GSG1L: variants seen among roughly 807,000 people sequenced by gnomAD.
The protein encoded by GSG1L is GSG1 like.
A neutral mutation model predicts 42.1 loss-of-function variants in GSG1L; 24 were observed. The ratio of observed to expected loss-of-function variants is 0.57; its 90% CI spans 0.41 to 0.80. The LOEUF (loss-of-function observed/expected upper bound fraction) is 0.80. Among genes scored for constraint, GSG1L ranks in the 30% least tolerant of loss-of-function variants. The pLI is 0.00. For synonymous variants in GSG1L, 215 were observed against 203.5 expected, an observed-to-expected ratio of 1.06 and a Z score of -0.48; for missense variants, 445 against 472.2, an observed-to-expected ratio of 0.94 and a Z score of 0.53.
rs201856072 is a variant in GSG1L at position 27,946,549 on chromosome 16, A to AAAAGAAAGAAAGAAAG, written c.397+16591_397+16606dup. ...CACAGAGCAAGACTCTGTCTCAAAA[A>AAAAGAAAGAAAGAAAG]AAAGAAAGAAAGAAAGAAAGAAAGA... On this transcript the variant is annotated intron_variant, in intron 2 of 6. Coordinates refer to ENST00000447459, the MANE Select transcript of GSG1L (RefSeq NM_001109763.2). 1.4e-3 allele frequency among the ~76,000 whole-genome samples: 74 copies of AAAAGAAAGAAAGAAAG among 51,964 alleles called. 1 individual carries two copies. The highest frequency in any genetic ancestry group is 2.4e-3 in the Non-Finnish European group (60 of 24,824). 34.1% of individuals were successfully genotyped at this position (51,964 alleles called of 152,430 possible).
chr16:28,039,127 T>C (rs2086075531), intron 1 of GSG1L, among the ~76,000 whole-genome samples: 1 of 152,184 alleles, frequency 6.6e-6, no homozygotes, highest in Non-Finnish European at 1.5e-5. Context: ...TTATTGATAA[T>C]GGCTCCTGGT....
intron 1 of GSG1L, among the ~76,000 whole-genome samples, chr16:27,971,666 T>C (rs569699545): frequency 6.6e-5 from 10 of 152,326 alleles, no homozygotes; most frequent in African/African-American, 2.4e-4. Flanking sequence ...TTGGCTAAAA[T>C]GTCCAATATA....
chr16:27,928,390 G>A (rs1259362778), intron 2 of GSG1L, among the ~76,000 whole-genome samples: 1 of 152,140 alleles, frequency 6.6e-6, no homozygotes, highest in Non-Finnish European at 1.5e-5. Flanking sequence ...CATCTGCAAT[G>A]TCGCCGCCTC....
At chr16:27,921,462 C>T (rs769810199) in intron 2 of GSG1L, among the ~76,000 whole-genome samples, 7 of 152,170 alleles carry the variant, frequency 4.6e-5, no homozygotes, top group Non-Finnish European at 8.8e-5. Flanking sequence ...CTGCCATATT[C>T]CTTTTAAACA....
At chr16:27,986,226 G>A (rs993747509) in intron 1 of GSG1L, among the ~76,000 whole-genome samples, 4 of 152,028 alleles carry the variant, frequency 2.6e-5, no homozygotes, top group Admixed American at 6.6e-5. Context: ...CTGGCCAGGC[G>A]CAATGGCTCA....
intron 5 of GSG1L, among the ~76,000 whole-genome samples, chr16:27,812,865 T>C (rs952016859): frequency 1.3e-5 from 2 of 152,106 alleles, no homozygotes; most frequent in African/African-American, 4.8e-5. Flanking sequence ...CTCAGCTCAC[T>C]GCAACCTCCG....
chr16:27,912,300 G>A (rs2084401081), intron 2 of GSG1L, among the ~76,000 whole-genome samples: 1 of 152,194 alleles, frequency 6.6e-6, no homozygotes, highest in Non-Finnish European at 1.5e-5. Flanking sequence ...GATCGCTTAA[G>A]CCCAGGAGTT....
At chr16:27,941,108 T>C (rs1029186558) in intron 2 of GSG1L, among the ~76,000 whole-genome samples, 8 of 151,962 alleles carry the variant, frequency 5.3e-5, no homozygotes, top group African/African-American at 1.9e-4. Flanking sequence ...GTTCCTTGGG[T>C]ATAAAACCAA....
In GSG1L at chr16:27,950,111, C is replaced by T. The variant is rs74015175; in HGVS notation, c.397+13045G>A. On this transcript the variant is annotated intron_variant, in intron 2 of 6. Transcript: ENST00000447459. The stretch of plus-strand genomic sequence containing the variant: ...CATACAGGATGTTCACTGCCCAACC[C>T]TACGCCATCATAGATCAGTACAAAT... Among the ~76,000 whole-genome samples, 1,382 of 152,284 alleles carry T rather than the reference C, an allele frequency of 9.1e-3. 26 individuals are homozygous for T. The highest frequency in any genetic ancestry group is 0.032 in the African/African-American group (1,318 of 41,544).
At chr16:27,871,837 T>C (rs1433825142) in intron 3 of GSG1L, among the ~76,000 whole-genome samples, 1 of 152,156 alleles carries the variant, frequency 6.6e-6, no homozygotes, top group Non-Finnish European at 1.5e-5. Context: ...ATAGGCACAT[T>C]GATGGAATAG....
intron 1 of GSG1L, among the ~76,000 whole-genome samples, chr16:27,976,484 G>A (rs945125796): frequency 6.6e-6 from 1 of 152,174 alleles, no homozygotes; most frequent in African/African-American, 2.4e-5. Context: ...TCTCACAAGA[G>A]CGGGGACCTA....
chr16:27,840,452 G>A (rs1709789), intron 4 of GSG1L, among the ~76,000 whole-genome samples: 49,462 of 151,894 alleles, frequency 0.33, 8,391 homozygotes, highest in East Asian at 0.45. Flanking sequence ...CTGCTTGGGC[G>A]CCCATCAGGG....
At chr16:27,888,931 G>GATATAGATATAGATATAGAT (rs1239514773) in intron 2 of GSG1L, among the ~76,000 whole-genome samples, 2 of 69,074 alleles carry the variant, frequency 2.9e-5, no homozygotes, top group Non-Finnish European at 6.6e-5. Flanking sequence ...TGCTTAGATA[G>GATATAGATATAGATATAGAT]ATATAGATAT....
Position 27,884,737 on chromosome 16 carries a change from T to C in GSG1L, c.398-99A>G. 2 of 1,215,986 alleles carry C rather than the reference T, an allele frequency of 1.6e-6. No homozygotes were observed. The highest frequency in any genetic ancestry group is 1.1e-6 in the Non-Finnish European group (1 of 882,116). The allele number at this position is 1,215,986 out of a possible 1,614,324, so 75.3% of individuals were successfully genotyped here. Reference sequence around the variant, plus strand: ...CACAACAGCAGAGGGTAGCAAGTCATTCTAGAATAGAACCTGGTTCTGGGG... The same window carrying C: ...CACAACAGCAGAGGGTAGCAAGTCACTCTAGAATAGAACCTGGTTCTGGGG... On this transcript the variant is annotated intron_variant, in intron 2 of 6. Coordinates refer to ENST00000447459, the MANE Select transcript of GSG1L (RefSeq NM_001109763.2). The surrounding 1 kb of genome is among the most constrained non-coding windows in gnomAD (Gnocchi z 4.4).
At position 27,947,600 on chromosome 16, in the gene GSG1L, A is replaced by AG. The variant is rs71140931; in HGVS notation, c.397+15555_397+15556insC. ...AAGAAAGAAAGAAAGAAAGAAAGAA[A>AG]AAGAAAGAAAGAAAAAGAAAAGTTC... On this transcript the variant is annotated intron_variant, in intron 2 of 6. Transcript: ENST00000447459. 4.9e-3 allele frequency among the ~76,000 whole-genome samples: 527 copies of AG among 106,872 alleles called. 11 individuals are homozygous for AG. The highest frequency in any genetic ancestry group is 0.014 in the African/African-American group (372 of 27,514). 70.1% of individuals were successfully genotyped at this position (106,872 alleles called of 152,430 possible).
intron 2 of GSG1L, among the ~76,000 whole-genome samples, chr16:27,902,755 T>C (rs1596599768): frequency 6.6e-6 from 1 of 152,328 alleles, no homozygotes; most frequent in Non-Finnish European, 1.5e-5. Flanking sequence ...TGGCTGGATC[T>C]TGGTTTTCTC....
At chr16:27,923,668 G>C (rs1001302025) in intron 2 of GSG1L, among the ~76,000 whole-genome samples, 1 of 150,814 alleles carries the variant, frequency 6.6e-6, no homozygotes, top group African/African-American at 2.4e-5. Flanking sequence ...CTTGAACCCA[G>C]GAGGTGGAGG....
At chr16:28,029,421 C>G (rs1290022903) in intron 1 of GSG1L, among the ~76,000 whole-genome samples, 1 of 152,194 alleles carries the variant, frequency 6.6e-6, no homozygotes, top group Non-Finnish European at 1.5e-5. Context: ...GGGCAGGGAT[C>G]TTCTAGTCCA....
At position 27,957,989 on chromosome 16, in the gene GSG1L, C is replaced by T. The variant is rs76300181; in HGVS notation, c.397+5167G>A. ...GAGAATTCACGCATTACCAAGGGGA[C>T]GGCACCAAGTCATTCACGAGGGATC... On this transcript the variant is annotated intron_variant, in intron 2 of 6. Transcript: ENST00000447459. 4.3e-3 allele frequency among the ~76,000 whole-genome samples: 652 copies of T among 152,260 alleles called. 5 individuals carry two copies. Among genetic ancestry groups the T allele is most frequent in the South Asian group, 9.1e-3 (44 of 4,814 alleles).
Sources: gnomAD v4.1 joint callset for allele counts (sites outside exome capture counted in the v4.1 genomes callset) on GRCh38, gnomAD v4.1.1 for gene constraint, Gnocchi (gnomAD v3.1) non-coding constraint, MANE v1.5 for transcripts, NCBI Gene and HGNC (gene_info 2026-07-23, HGNC 2026-07-21) for gene names.